Variants in ESRRG observed in about 807,000 individuals in gnomAD.
The protein encoded by ESRRG is estrogen-related receptor gamma.
ESRRG carries 13 observed loss-of-function variants against 44.0 expected under a neutral mutation model. That is an observed-to-expected ratio of 0.30 (90% CI 0.19 to 0.47). The LOEUF (loss-of-function observed/expected upper bound fraction) is 0.47, where lower values mean the gene tolerates loss of function less well. Among genes scored for constraint, ESRRG ranks in the 20% least tolerant of loss-of-function variants. ESRRG has a pLI of 1.00. For missense variants in ESRRG, 395 were observed against 580.6 expected (o/e 0.68, Z 3.29); for synonymous variants, 215 against 214.6 (o/e 1.00, Z -0.02).
intron 1 of ESRRG, among the ~76,000 whole-genome samples, chr1:217,085,051 A>G (rs1490675676): frequency 6.6e-6 from 1 of 152,128 alleles, no homozygotes; most frequent in East Asian, 1.9e-4. Context: ...TATCCCCAAT[A>G]CAGTGCAGGG....
At chr1:216,925,500 G>C (rs957690545) in intron 2 of ESRRG, among the ~76,000 whole-genome samples, 1 of 152,146 alleles carries the variant, frequency 6.6e-6, no homozygotes, top group Admixed American at 6.5e-5. Context: ...AGCGGTTCCC[G>C]GAAGGAGTAT....
intron 2 of ESRRG, among the ~76,000 whole-genome samples, chr1:216,798,748 T>C (rs2094538918): frequency 6.6e-6 from 1 of 152,118 alleles, no homozygotes; most frequent in South Asian, 2.1e-4. Context: ...GACTGAAATA[T>C]GTGATCTTAG....
chr1:217,072,236 C>T (rs1213359862), intron 1 of ESRRG, among the ~76,000 whole-genome samples: 1 of 152,178 alleles, frequency 6.6e-6, no homozygotes, highest in African/African-American at 2.4e-5. Flanking sequence ...GTTATCATCA[C>T]CACCATCGTA....
chr1:217,112,794 G>T (rs1047222230), intron 1 of ESRRG, among the ~76,000 whole-genome samples: 1 of 152,178 alleles, frequency 6.6e-6, no homozygotes, highest in African/African-American at 2.4e-5. Context: ...AAGACCTCAA[G>T]AAGGTTTAAA....
At chr1:216,846,086 G>T (rs944603898) in intron 2 of ESRRG, among the ~76,000 whole-genome samples, 6 of 152,042 alleles carry the variant, frequency 3.9e-5, no homozygotes, top group African/African-American at 7.2e-5. Flanking sequence ...CATGTAAAAA[G>T]AACAAAATTT....
chr1:216,967,109 G>A (rs78689170), intron 1 of ESRRG, among the ~76,000 whole-genome samples: 3,027 of 152,136 alleles, frequency 0.02, 41 homozygotes, highest in Non-Finnish European at 0.03. Context: ...CAGCAAAATT[G>A]AGAGGAAGGT....
chr1:217,026,703 A>T (rs1441643322), intron 1 of ESRRG, among the ~76,000 whole-genome samples: 1 of 152,012 alleles, frequency 6.6e-6, no homozygotes, highest in Non-Finnish European at 1.5e-5. Context: ...AACCACATTA[A>T]CTTTGCAGCC....
Position 216,627,688 on chromosome 1 carries a change from A to G in ESRRG, c.589+23285T>C, listed in dbSNP as rs759353343. ...TCCAATGGCAGCATTAGGCTCAAAA[A>G]CGGCTACTCCATCAAGAAATAAAAG... On this transcript the variant is annotated intron_variant, in intron 3 of 6. Coordinates refer to ENST00000408911, the MANE Select transcript of ESRRG (RefSeq NM_001438.4). Among the ~76,000 whole-genome samples the G allele has an allele frequency of 4.6e-4, 70 of 152,160 alleles. 1 individual carries two copies. Among genetic ancestry groups the G allele is most frequent in the Non-Finnish European group, 1.5e-4 (10 of 68,034 alleles).
chr1:217,039,278 G>A (rs367642900), intron 1 of ESRRG, among the ~76,000 whole-genome samples: 2 of 152,174 alleles, frequency 1.3e-5, no homozygotes, highest in African/African-American at 4.8e-5. Context: ...CACATTTTCA[G>A]GTATATTTTC....
intron 1 of ESRRG, chr1:216,686,164 A>G (rs557053233): frequency 6.6e-6 from 1 of 152,268 alleles, no homozygotes; most frequent in East Asian, 1.9e-4. Flanking sequence ...GTGACATTAT[A>G]TTGTTGGTAT....
chr1:216,801,012 G>T (rs1002133906), intron 2 of ESRRG, among the ~76,000 whole-genome samples: 1 of 151,678 alleles, frequency 6.6e-6, no homozygotes, highest in African/African-American at 2.4e-5. Flanking sequence ...TATTTTTAAG[G>T]CATACAATAT....
intron 1 of ESRRG, among the ~76,000 whole-genome samples, chr1:216,689,523 G>A (rs1290646064): frequency 2.0e-5 from 3 of 152,000 alleles, no homozygotes; most frequent in Non-Finnish European, 4.4e-5. Context: ...TAAAGTCCGT[G>A]GCTGAACTGG....
At position 216,504,293 on chromosome 1, in the gene ESRRG, A is replaced by G. The variant is rs1387270197; in HGVS notation, c.*2646T>C. 6.6e-6 allele frequency: 1 copy of G among 152,330 alleles called. No homozygotes were observed. Among genetic ancestry groups the G allele is most frequent in the East Asian group, 1.9e-4 (1 of 5,196 alleles). The allele number at this position is 152,330 out of a possible 1,614,324, so 9.4% of individuals were successfully genotyped here. On this transcript the variant is annotated 3_prime_UTR_variant, in exon 7 of 7. Coordinates refer to ENST00000408911, the MANE Select transcript of ESRRG (RefSeq NM_001438.4). ...ATAATCTTTTTAAACACTTACATAT[A>G]TAAATAATCTTATAGAATCAGCACC...
rs149218177 is a variant in ESRRG, at chr1:216,981,871, T to C, written c.-105-42198A>G. The stretch of plus-strand genomic sequence containing the variant: ...TTCTTACAACAAACCCCTGGCACCC[T>C]GTTCTCACCATGTCATGGCCTGTGA... On this transcript the variant is annotated intron_variant, in intron 1 of 7. Transcript: ENST00000359162. Among the ~76,000 whole-genome samples the C allele has an allele frequency of 3.6e-3, 556 of 152,334 alleles. 2 individuals carry two copies. The highest frequency in any genetic ancestry group is 0.01 in the Middle Eastern group (3 of 294).
At chr1:216,834,819 T>C (rs2095538618) in intron 2 of ESRRG, among the ~76,000 whole-genome samples, 1 of 152,134 alleles carries the variant, frequency 6.6e-6, no homozygotes, top group Non-Finnish European at 1.5e-5. Context: ...GATAGGCTCA[T>C]GAGACCTAAA....
At chr1:216,796,155 T>A (rs1379947253) in intron 2 of ESRRG, among the ~76,000 whole-genome samples, 1 of 152,126 alleles carries the variant, frequency 6.6e-6, no homozygotes, top group Non-Finnish European at 1.5e-5. Flanking sequence ...GCTAGAGAAG[T>A]TCTGATAACA....
intron 5 of ESRRG, among the ~76,000 whole-genome samples, chr1:216,548,197 G>A (rs894935877): frequency 2.2e-4 from 33 of 152,104 alleles, no homozygotes; most frequent in African/African-American, 7.9e-4. Flanking sequence ...ATTTTCATAA[G>A]GTTTGGCTCA....
At chr1:216,977,970 T>C (rs1019695485) in intron 1 of ESRRG, among the ~76,000 whole-genome samples, 7 of 152,160 alleles carry the variant, frequency 4.6e-5, no homozygotes, top group African/African-American at 1.7e-4. Context: ...CATGGGATGA[T>C]GCAGTAAGAA....
intron 1 of ESRRG, among the ~76,000 whole-genome samples, chr1:216,993,743 T>C (rs2076023310): frequency 1.3e-5 from 2 of 152,160 alleles, no homozygotes; most frequent in Non-Finnish European, 2.9e-5. Flanking sequence ...GCTCAAAAAA[T>C]ATTGGGTAGA....
Sources: gnomAD v4.1 joint callset for allele counts (sites outside exome capture counted in the v4.1 genomes callset) on GRCh38, gnomAD v4.1.1 for gene constraint, MANE v1.5 for transcripts, NCBI Gene and HGNC (gene_info 2026-07-23, HGNC 2026-07-21) for gene names.